The following EPG5 variants were observed in gnomAD, a reference collection of about 807,000 sequenced individuals.
The protein encoded by EPG5 is ectopic P granules protein 5 homolog.
A neutral mutation model predicts 302.7 loss-of-function variants in EPG5; 159 were observed. The observed-to-expected ratio is 0.53, with a 90% CI of 0.46 to 0.60. The LOEUF is 0.60. EPG5 is among the 20% of genes least tolerant of loss of function. The probability of loss-of-function intolerance (pLI) is 0.00; values close to 1 mark genes in which losing one functional copy is unlikely to be tolerated. For missense variants in EPG5, 2,896 were observed against 3,092.4 expected (o/e 0.94, Z 1.51); for synonymous variants, 1,158 against 1,136.8 (o/e 1.02, Z -0.37).
the EPG5 span, among the ~76,000 whole-genome samples, chr18:45,829,644 CCT>C: frequency 2.0e-5 from 3 of 152,262 alleles, no homozygotes; most frequent in East Asian, 5.8e-4. Flanking sequence ...CCTGGAGCAC[CCT>C]GTTAGCATGC....
intron 1 of EPG5, among the ~76,000 whole-genome samples, chr18:45,956,818 T>C (rs903359167): frequency 7.3e-5 from 11 of 151,544 alleles, no homozygotes; most frequent in Non-Finnish European, 1.6e-4. Context: ...GGGTGAAGAG[T>C]ACATGGGAAG....
intron 1 of EPG5, among the ~76,000 whole-genome samples, chr18:45,966,009 C>A (rs1404530024): frequency 6.6e-6 from 1 of 151,422 alleles, no homozygotes; most frequent in Non-Finnish European, 1.5e-5. Flanking sequence ...GCCGAGATTG[C>A]ACTCCGCCGA....
chr18:45,802,093 G>A, the EPG5 span, among the ~76,000 whole-genome samples: 1 of 152,112 alleles, frequency 6.6e-6, no homozygotes, highest in African/African-American at 2.4e-5. Flanking sequence ...CCTGTTCCCT[G>A]TGATCCTCCC....
At chr18:45,810,757 G>T in the EPG5 span, among the ~76,000 whole-genome samples, 1 of 152,182 alleles carries the variant, frequency 6.6e-6, no homozygotes, top group Non-Finnish European at 1.5e-5. Context: ...CCCTAGCCTA[G>T]GTGACAGAGT....
Position 45,903,213 on chromosome 18 carries a change from C to A in EPG5, c.4474+760G>T, listed in dbSNP as rs78775207. ...CCTTTCTCTATATACCTTTCTATAT[C>A]ATTTAATATTTAAAATTAATATATA... On this transcript the variant is annotated intron_variant, in intron 25 of 43. Coordinates refer to ENST00000282041, the MANE Select transcript of EPG5 (RefSeq NM_020964.3). Among the ~76,000 whole-genome samples, 513 of 151,954 alleles carry A rather than the reference C, an allele frequency of 3.4e-3. 17 individuals are homozygous for A. In the East Asian group the frequency reaches 0.084, roughly 25 times the overall value.
At chr18:45,823,083 T>C in the EPG5 span, among the ~76,000 whole-genome samples, 2 of 152,146 alleles carry the variant, frequency 1.3e-5, no homozygotes, top group African/African-American at 4.8e-5. Flanking sequence ...CAAATGAGAC[T>C]GGGCTGCCAA....
chr18:45,817,764 G>A, the EPG5 span, among the ~76,000 whole-genome samples: 1 of 152,202 alleles, frequency 6.6e-6, no homozygotes. Context: ...GAGCAACAAG[G>A]AAGCCACATT....
chr18:45,828,873 C>T, the EPG5 span, among the ~76,000 whole-genome samples: 2 of 152,162 alleles, frequency 1.3e-5, no homozygotes, highest in Admixed American at 6.5e-5. Context: ...GGTGCTTATT[C>T]GGGACACAGG....
At chr18:45,857,277 T>C (rs1184385903) in intron 42 of EPG5, among the ~76,000 whole-genome samples, 1 of 152,010 alleles carries the variant, frequency 6.6e-6, no homozygotes, top group Non-Finnish European at 1.5e-5. Flanking sequence ...GCCCGGCTAA[T>C]TTCTGTATTT....
intron 1 of EPG5, 112 bp downstream of exon 1, chr18:45,967,065 A>T (rs1300245711): frequency 9.9e-7 from 1 of 1,011,490 alleles, no homozygotes; most frequent in Non-Finnish European, 1.4e-6. Context: ...GTGGAGGCGG[A>T]AGATGCAGAG....
At chr18:45,837,249 A>T in the EPG5 span, among the ~76,000 whole-genome samples, 2 of 152,140 alleles carry the variant, frequency 1.3e-5, no homozygotes, top group South Asian at 4.1e-4. Flanking sequence ...CGAAGAGGGG[A>T]ATAGTCCCAG....
At chr18:45,965,484 T>A (rs2143951053) in intron 1 of EPG5, among the ~76,000 whole-genome samples, 1 of 152,298 alleles carries the variant, frequency 6.6e-6, no homozygotes, top group Non-Finnish European at 1.5e-5. Context: ...AGCATCATAA[T>A]GAAAGAAATC....
intron 11 of EPG5, among the ~76,000 whole-genome samples, chr18:45,932,522 T>C (rs1223540750): frequency 4.6e-5 from 7 of 152,158 alleles, no homozygotes; most frequent in Non-Finnish European, 8.8e-5. Flanking sequence ...AAATAAGAAC[T>C]GGTTATAAAG....
intron 9 of EPG5, among the ~76,000 whole-genome samples, 179 bp downstream of exon 9, chr18:45,942,982 C>T (rs2050703660): frequency 1.3e-5 from 2 of 152,106 alleles, no homozygotes; most frequent in African/African-American, 4.8e-5. Context: ...TAACGAAATA[C>T]TCTAACTGGA....
intron 1 of EPG5, among the ~76,000 whole-genome samples, chr18:45,961,135 T>C (rs545451106): frequency 6.6e-6 from 1 of 152,304 alleles, no homozygotes; most frequent in African/African-American, 2.4e-5. Context: ...CTGACAATCC[T>C]GGCCCAAGCC....
Position 45,903,989 on chromosome 18 carries a change from G to A in EPG5, c.4458C>T (p.Phe1486=). ...AGGACCCACCCAGCAAAGGATCAGT[G>A]AAGTCCAGCTGCACGGACAAACTGC... is the stretch of plus-strand genomic sequence containing the variant. ...TPCSLSVQLD[F]TDPLLAKERV... The change falls in exon 25 of 44, where the codon TTC becomes TTT. Residue 1486 remains phenylalanine, a synonymous_variant. Transcript: ENST00000282041. 6.2e-7 allele frequency: 1 copy of A among 1,610,232 alleles called. No individual in the cohort carries two copies. Among genetic ancestry groups the A allele is most frequent in the Non-Finnish European group, 8.5e-7 (1 of 1,179,312 alleles).
At chr18:45,936,241 G>C (rs1487989260) in intron 10 of EPG5, among the ~76,000 whole-genome samples, 1 of 152,182 alleles carries the variant, frequency 6.6e-6, no homozygotes, top group Admixed American at 6.5e-5. Flanking sequence ...TTTGAGAGCA[G>C]AAACCATGTC....
intron 1 of EPG5, among the ~76,000 whole-genome samples, chr18:45,957,109 C>T (rs1480098570): frequency 2.0e-5 from 3 of 151,912 alleles, no homozygotes; most frequent in Admixed American, 1.3e-4. Context: ...GTTATACAAG[C>T]TCTTGGTTAT....
the EPG5 span, among the ~76,000 whole-genome samples, chr18:45,841,931 T>C: frequency 3.9e-5 from 6 of 152,090 alleles, no homozygotes; most frequent in African/African-American, 1.4e-4. Flanking sequence ...TGGGGGCCCC[T>C]CCCTATTCCT....
Sources: allele counts gnomAD v4.1 joint callset (sites outside exome capture counted in the v4.1 genomes callset), GRCh38; gene constraint gnomAD v4.1.1; transcripts MANE v1.5; gene names NCBI Gene and HGNC (gene_info 2026-07-23, HGNC 2026-07-21).